COL28A1: variants seen among roughly 807,000 people sequenced by gnomAD.
COL28A1 encodes collagen type XXVIII alpha 1 chain.
COL28A1 carries 161 observed loss-of-function variants against 150.2 expected under a neutral mutation model. The ratio of observed to expected loss-of-function variants is 1.07; its 90% CI spans 0.94 to 1.22. The LOEUF (loss-of-function observed/expected upper bound fraction) is 1.22, where lower values mean the gene tolerates loss of function less well. COL28A1 is among the 50% of genes most tolerant of loss of function. The probability of loss-of-function intolerance (pLI) is 0.00; values close to 1 mark genes in which losing one functional copy is unlikely to be tolerated. For synonymous variants in COL28A1, 552 were observed against 469.7 expected (o/e 1.18, Z -2.26); for missense variants, 1,617 against 1,388.3 (o/e 1.16, Z -2.62).
intron 11 of COL28A1, among the ~76,000 whole-genome samples, chr7:7,492,599 AAAAAAAAAAAAAG>A (rs1347941166): frequency 8.1e-5 from 9 of 111,160 alleles, no homozygotes; most frequent in African/African-American, 1.7e-4. Context: ...AAAAAAAAAA[AAAAAAAAAAAAAG>A]GTCTGTTGAC....
rs533428911 is a variant in COL28A1, at chr7:7,509,276, A to T, written c.927+1815T>A. ...TTCCCAAGTATCTGGAATTACAGGC[A>T]CATGTCCAACTAATTTTTAAATTTT... is the stretch of plus-strand genomic sequence containing the variant. On this transcript the variant is annotated intron_variant, in intron 9 of 34. Transcript: ENST00000399429. Among the ~76,000 whole-genome samples, 7 of 152,056 alleles carry T rather than the reference A, an allele frequency of 4.6e-5. No homozygotes were observed. In the South Asian group the frequency reaches 1.5e-3, roughly 32 times the overall value.
chr7:7,472,997 C>T (rs1312003661), intron 15 of COL28A1, among the ~76,000 whole-genome samples: 4 of 152,132 alleles, frequency 2.6e-5, no homozygotes, highest in Admixed American at 1.3e-4. Flanking sequence ...AAAACCGGAT[C>T]CTCATCTCTC....
intron 26 of COL28A1, among the ~76,000 whole-genome samples, chr7:7,419,633 A>G (rs1295666681): frequency 6.6e-6 from 1 of 152,200 alleles, no homozygotes; most frequent in Non-Finnish European, 1.5e-5. Flanking sequence ...AGAAACCCAG[A>G]AATGTTCTGA....
chr7:7,364,111 G>C (rs1375664672), intron 33 of COL28A1, among the ~76,000 whole-genome samples: 1 of 152,060 alleles, frequency 6.6e-6, no homozygotes, highest in African/African-American at 2.4e-5. Context: ...CAATAACCCA[G>C]TCAGTACTGA....
At chr7:7,420,146 T>A in intron 25 of COL28A1, 193 bp from the exon 26 acceptor site, 1 of 378,168 alleles carries the variant, frequency 2.6e-6, no homozygotes, top group Non-Finnish European at 4.7e-6. Context: ...TTCAAATTAA[T>A]CAAGTCAATT....
At position 7,361,164 on chromosome 7, in the gene COL28A1, T is replaced by C. The variant is rs1024211243; in HGVS notation, c.3067-636A>G. Among the ~76,000 whole-genome samples, 4 of 152,274 alleles carry C rather than the reference T, an allele frequency of 2.6e-5. No homozygotes were observed. The East Asian group carries it at 7.7e-4, about 29-fold the overall frequency. On this transcript the variant is annotated intron_variant, in intron 33 of 34. Coordinates refer to ENST00000399429, the MANE Select transcript of COL28A1 (RefSeq NM_001037763.3). ...ACCAAATGCTGTAGGATGCTTAACATATAAGATGCTCTAAGAAATGTTTGA... is the reference window on the plus strand; with the variant it reads ...ACCAAATGCTGTAGGATGCTTAACACATAAGATGCTCTAAGAAATGTTTGA...
intron 16 of COL28A1, among the ~76,000 whole-genome samples, chr7:7,454,860 A>C (rs1369813515): frequency 6.6e-6 from 1 of 152,252 alleles, no homozygotes; most frequent in East Asian, 1.9e-4. Context: ...CCAAATGTCC[A>C]GCTCTTAATT....
At chr7:7,478,488 T>C (rs537863850) in intron 13 of COL28A1, among the ~76,000 whole-genome samples, 1 of 152,390 alleles carries the variant, frequency 6.6e-6, no homozygotes, top group Non-Finnish European at 1.5e-5. Flanking sequence ...CTTCACCCAG[T>C]GGATCTCGCA....
In COL28A1 at chr7:7,370,413, T is replaced by C. The variant is rs939040961; in HGVS notation, c.3066+312A>G. Among the ~76,000 whole-genome samples the C allele has an allele frequency of 2.6e-5, 4 of 152,300 alleles. No homozygotes were observed. The East Asian group carries it at 7.7e-4, about 29-fold the overall frequency. On this transcript the variant is annotated intron_variant, in intron 33 of 34. Coordinates refer to ENST00000399429, the MANE Select transcript of COL28A1 (RefSeq NM_001037763.3). Reference sequence around the variant, plus strand: ...CTGCACAGCATGGCAACTAGGTGAATTCAGAGTGTTGTGTTAATCTGTTTC... The same window carrying C: ...CTGCACAGCATGGCAACTAGGTGAACTCAGAGTGTTGTGTTAATCTGTTTC...
chr7:7,511,738 C>T (rs1191337694), intron 8 of COL28A1: 1 of 470,888 alleles, frequency 2.1e-6, no homozygotes, highest in Non-Finnish European at 4.4e-6. Context: ...GGAACAGGTG[C>T]CATGATGAGT....
In COL28A1 at chr7:7,432,473, C is replaced by A. The variant is rs754415461; in HGVS notation, c.1998G>T (p.Lys666Asn). The A allele has an allele frequency of 1.5e-5, 25 of 1,613,836 alleles. No individual in the cohort carries two copies. Among genetic ancestry groups the A allele is most frequent in the Non-Finnish European group, 1.9e-5 (23 of 1,179,844 alleles). Reference protein sequence around the residue: ...GLRGVGDTGAKGEPGVRGPPG... With the variant: ...GLRGVGDTGANGEPGVRGPPG... ...TACGTTGCCTACTTTAAAGTCTTAC[C>A]TTTGCTCCAGTGTCTCCCACTCCAC... The change falls in exon 25 of 35, where the codon AAG (lysine) becomes AAT (asparagine). Residue 666 changes from lysine to asparagine, a missense_variant and splice_region_variant. By Grantham distance (94) the Lys-to-Asn change is moderately conservative. Coordinates refer to ENST00000399429, the MANE Select transcript of COL28A1 (RefSeq NM_001037763.3).
At chr7:7,445,076 T>C (rs537424166) in intron 18 of COL28A1, among the ~76,000 whole-genome samples, 36 of 152,314 alleles carry the variant, frequency 2.4e-4, no homozygotes, top group Non-Finnish European at 4.3e-4. Flanking sequence ...GCCAGGATTG[T>C]AAGTTTCCTG....
rs202135253 is a variant in COL28A1, at chr7:7,477,184, G to C, written c.1165-4C>G. On this transcript the variant is annotated splice_region_variant and splice_polypyrimidine_tract_variant and intron_variant, in intron 13 of 34. Coordinates refer to ENST00000399429, the MANE Select transcript of COL28A1 (RefSeq NM_001037763.3). Reference sequence around the variant, plus strand: ...CTCCCTCAGGACCACGGGGACCCTGGTTAGGATAGGAGAAAATGAGGAGCA... The same window carrying C: ...CTCCCTCAGGACCACGGGGACCCTGCTTAGGATAGGAGAAAATGAGGAGCA... The C allele has an allele frequency of 1.9e-5, 21 of 1,130,590 alleles. No homozygotes were observed. Among genetic ancestry groups the C allele is most frequent in the Non-Finnish European group, 2.8e-5 (21 of 737,834 alleles). The allele number at this position is 1,130,590 out of a possible 1,614,324, so 70.0% of individuals were successfully genotyped here.
At position 7,477,141 on chromosome 7, in the gene COL28A1, A is replaced by G; in HGVS notation, c.1204T>C (p.Leu402=). 1 of 1,355,214 alleles carries G rather than the reference A, an allele frequency of 7.4e-7. No individual in the cohort carries two copies. The highest frequency in any genetic ancestry group is 1.1e-6 in the Non-Finnish European group (1 of 943,220). 83.9% of individuals were successfully genotyped at this position (1,355,214 alleles called of 1,614,324 possible). A position where few individuals can be genotyped will look rare whatever the true frequency, so the allele number is the denominator to read the frequency against. ...GPEGVPGERG[L]PGEGFPGPKG... is the part of the protein sequence containing the mutation. ...GGTCCTGGAAATCCTTCTCCGGGTA[A>G]GCCCCTCTCTCCTGGTACTCCCTCA... Residue 402 remains leucine, a synonymous_variant, in exon 14 of 35, where the codon TTA becomes CTA. Transcript: ENST00000399429.
At chr7:7,503,147 A>G (rs1780628061) in intron 11 of COL28A1, among the ~76,000 whole-genome samples, 1 of 152,188 alleles carries the variant, frequency 6.6e-6, no homozygotes, top group Non-Finnish European at 1.5e-5. Flanking sequence ...TATTCAGGAA[A>G]TTCAGCAATT....
At chr7:7,352,665 C>G (rs559082066), downstream of COL28A1, among the ~76,000 whole-genome samples, 1 of 152,306 alleles carries the variant, frequency 6.6e-6, no homozygotes, top group African/African-American at 2.4e-5. Flanking sequence ...CCCTCAGATC[C>G]TCCAGAAGAA....
Position 7,535,836 on chromosome 7 carries a change from T to A in COL28A1, c.-124A>T, listed in dbSNP as rs781633246. On this transcript the variant is annotated 5_prime_UTR_variant, in exon 1 of 35. Transcript: ENST00000399429. ...GTGGTTGGGGGTGAAGTTAGCTATT[T>A]GATATTGTTCTGTTCTGTGGGAAAT... The A allele has an allele frequency of 6.6e-6, 1 of 152,208 alleles. No individual in the cohort carries two copies. The highest frequency in any genetic ancestry group is 1.5e-5 in the Non-Finnish European group (1 of 68,026). 9.4% of individuals were successfully genotyped at this position (152,208 alleles called of 1,614,324 possible).
chr7:7,531,672 C>G lies in COL28A1; in HGVS notation c.357G>C (p.Gln119His). 1.3e-6 allele frequency: 2 copies of G among 1,596,006 alleles called. No homozygotes were observed. The highest frequency in any genetic ancestry group is 1.7e-6 in the Non-Finnish European group (2 of 1,163,484). ...SSWKDLQTFK[Q>H]KVKSMNLIGQ... The stretch of plus-strand genomic sequence containing the variant: ...CTATTAAATTCATAGACTTGACCTT[C>G]TGCTTAAATGTCTGCAGGTCCTTCC... Residue 119 changes from glutamine to histidine, a missense_variant, in exon 3 of 35, where the codon CAG becomes CAC. Physicochemically the swap from Gln to His is conservative, Grantham distance 24. Transcript: ENST00000399429.
chr7:7,460,188 G>A (rs1415449726), intron 15 of COL28A1, among the ~76,000 whole-genome samples: 2 of 152,206 alleles, frequency 1.3e-5, no homozygotes, highest in South Asian at 2.1e-4. Context: ...TTCATCGTAT[G>A]TGGTCTTCCT....
Sources: allele counts gnomAD v4.1 joint callset (sites outside exome capture counted in the v4.1 genomes callset), GRCh38; gene constraint gnomAD v4.1.1; transcripts MANE v1.5; gene names NCBI Gene and HGNC (gene_info 2026-07-23, HGNC 2026-07-21).